ASTN2: variants seen among roughly 807,000 people sequenced by gnomAD.
ASTN2 encodes the protein astrotactin-2.
ASTN2 carries 54 observed loss-of-function variants against 139.8 expected under a neutral mutation model. The observed-to-expected ratio is 0.39, with a 90% CI of 0.31 to 0.48. The LOEUF (loss-of-function observed/expected upper bound fraction) is 0.48, where lower values mean the gene tolerates loss of function less well. Ranked by LOEUF, ASTN2 falls within the 20% of genes least tolerant of loss-of-function variation. ASTN2 has a pLI of 0.95. For synonymous variants in ASTN2, 756 were observed against 719.5 expected, an observed-to-expected ratio of 1.05 and a Z score of -0.81; for missense variants, 1,565 against 1,725.1, an observed-to-expected ratio of 0.91 and a Z score of 1.64.
intron 13 of ASTN2, among the ~76,000 whole-genome samples, chr9:116,803,522 A>ATATATATATT (rs1554748694): frequency 7.6e-4 from 16 of 21,124 alleles, no homozygotes; most frequent in Admixed American, 2.0e-3. Flanking sequence ...ATATATATAT[A>ATATATATATT]TTTTTTTTTT....
chr9:116,742,705 T>C (rs1287840841), intron 13 of ASTN2, among the ~76,000 whole-genome samples: 2 of 152,098 alleles, frequency 1.3e-5, no homozygotes, highest in African/African-American at 2.4e-5. Flanking sequence ...AAGTTCTGCA[T>C]ACACAGGGTA....
chr9:116,750,807 C>T (rs1358016631), intron 13 of ASTN2, among the ~76,000 whole-genome samples: 1 of 152,156 alleles, frequency 6.6e-6, no homozygotes, highest in Non-Finnish European at 1.5e-5. Context: ...AGTGTACATG[C>T]TGTTACAGGA....
intron 17 of ASTN2, among the ~76,000 whole-genome samples, chr9:116,635,851 G>A (rs189708732): frequency 6.6e-5 from 10 of 152,344 alleles, no homozygotes; most frequent in Admixed American, 5.9e-4. Flanking sequence ...TTTTCATTGA[G>A]TTTTGAGACA....
rs547065304 is a variant in ASTN2 at position 116,524,272 on chromosome 9, A to G, written c.3356-36772T>C. Among the ~76,000 whole-genome samples the G allele has an allele frequency of 2.4e-4, 36 of 152,326 alleles. No homozygotes were observed. The South Asian group carries it at 4.6e-3, about 19-fold the overall frequency. On this transcript the variant is annotated intron_variant, in intron 19 of 22. Transcript: ENST00000313400. ...ATCTTCTTACAAATTTTTGTTATAG[A>G]CTTACCTAATAGGTGCTACGTGAAA...
At chr9:116,686,231 T>C (rs945241874) in intron 16 of ASTN2, among the ~76,000 whole-genome samples, 8 of 152,124 alleles carry the variant, frequency 5.3e-5, no homozygotes, top group African/African-American at 1.7e-4. Context: ...CACTTAGGTA[T>C]ATGTGGCCTT....
At chr9:116,733,853 C>G (rs1031276098) in intron 13 of ASTN2, among the ~76,000 whole-genome samples, 6 of 152,170 alleles carry the variant, frequency 3.9e-5, no homozygotes, top group Non-Finnish European at 7.4e-5. Context: ...TGGGAAAAAC[C>G]TACCAATTAT....
intron 19 of ASTN2, among the ~76,000 whole-genome samples, chr9:116,550,629 T>C (rs1451173520): frequency 6.6e-6 from 1 of 152,112 alleles, no homozygotes; most frequent in African/African-American, 2.4e-5. Context: ...TATAAGGATG[T>C]TGTTCTGCTC....
chr9:116,699,169 C>T lies in ASTN2; in HGVS notation c.2806+26602G>A, dbSNP rs752379777. 1.2e-6 allele frequency: 2 copies of T among 1,614,260 alleles called. No homozygotes were observed. Among genetic ancestry groups the T allele is most frequent in the East Asian group, 2.2e-5 (1 of 44,880 alleles). On this transcript the variant is annotated intron_variant, in intron 16 of 22. Coordinates refer to ENST00000313400, the MANE Select transcript of ASTN2 (RefSeq NM_001365068.1). The surrounding 1 kb of genome is among the most constrained non-coding windows in gnomAD (Gnocchi z 4.2). ...CAGCTGAGCAAACCATGGGGTATCA[C>T]AGCCTTGCCATCTGGCCAGTTTGTA...
At chr9:117,174,123 CTAGATAGATAGATAGATAGA>C (rs35789854) in intron 3 of ASTN2, among the ~76,000 whole-genome samples, 1 of 146,848 alleles carries the variant, frequency 6.8e-6, no homozygotes, top group African/African-American at 2.5e-5. Flanking sequence ...AGCTAGCTAA[CTAGATAGATAGATAGATAGA>C]TAGATAGATA....
At chr9:116,618,220 T>C (rs1311202878) in intron 19 of ASTN2, 104 bp downstream of exon 19, 1 of 1,224,152 alleles carries the variant, frequency 8.2e-7, no homozygotes, top group Non-Finnish European at 1.1e-6. Flanking sequence ...AATCTTCCAA[T>C]GCCTTCCCAA....
At chr9:116,560,410 G>A (rs1852845382) in intron 19 of ASTN2, among the ~76,000 whole-genome samples, 1 of 152,068 alleles carries the variant, frequency 6.6e-6, no homozygotes. Context: ...ATTATATTTA[G>A]AATAATTCCA....
chr9:116,666,186 T>C (rs1419017845), intron 16 of ASTN2, among the ~76,000 whole-genome samples: 2 of 152,200 alleles, frequency 1.3e-5, no homozygotes, highest in African/African-American at 4.8e-5. Flanking sequence ...CTGAACTTAC[T>C]GATCAAACCT....
intron 11 of ASTN2, among the ~76,000 whole-genome samples, chr9:116,847,600 A>T (rs906590064): frequency 6.6e-6 from 1 of 152,198 alleles, no homozygotes; most frequent in African/African-American, 2.4e-5. Context: ...TGTGCCAGGC[A>T]CTGTTTCGAT....
intron 20 of ASTN2, among the ~76,000 whole-genome samples, chr9:116,444,312 C>G (rs1847924079): frequency 6.6e-6 from 1 of 152,210 alleles, no homozygotes; most frequent in Admixed American, 6.5e-5. Context: ...TGAACCCCAA[C>G]TATGTTGAAG....
At chr9:117,125,924 T>C (rs1167592842) in intron 4 of ASTN2, among the ~76,000 whole-genome samples, 1 of 152,212 alleles carries the variant, frequency 6.6e-6, no homozygotes. Flanking sequence ...TATCATCATT[T>C]AACCTTAATG....
chr9:117,395,812 C>T (rs532754685), intron 1 of ASTN2, among the ~76,000 whole-genome samples: 48 of 152,240 alleles, frequency 3.2e-4, no homozygotes, highest in Non-Finnish European at 5.3e-4. Context: ...AAAGAGAATG[C>T]CTGTTGAGGT....
chr9:117,337,811 A>C (rs1447439234), intron 1 of ASTN2, among the ~76,000 whole-genome samples: 1 of 152,160 alleles, frequency 6.6e-6, no homozygotes, highest in Non-Finnish European at 1.5e-5. Flanking sequence ...AAGCAGAAGC[A>C]AACACAACTG....
intron 3 of ASTN2, chr9:117,180,726 G>C: frequency 3.8e-6 from 6 of 1,588,500 alleles, no homozygotes; most frequent in South Asian, 3.3e-5. Context: ...CCCGCCACTT[G>C]TCCAGAGGGC....
At chr9:117,328,512 C>T (rs750180745) in intron 1 of ASTN2, among the ~76,000 whole-genome samples, 2 of 152,134 alleles carry the variant, frequency 1.3e-5, no homozygotes, top group Non-Finnish European at 2.9e-5. Context: ...CTGTGTCCTG[C>T]CACTTTCATT....
Sources: gnomAD v4.1 joint callset for allele counts (sites outside exome capture counted in the v4.1 genomes callset) on GRCh38, gnomAD v4.1.1 for gene constraint, Gnocchi (gnomAD v3.1) non-coding constraint, MANE v1.5 for transcripts, NCBI Gene and HGNC (gene_info 2026-07-23, HGNC 2026-07-21) for gene names.